BIRC6: variants seen among roughly 807,000 people sequenced by gnomAD.
BIRC6 encodes the protein dual E2 ubiquitin-conjugating enzyme/E3 ubiquitin-protein ligase BIRC6.
A neutral mutation model predicts 503.3 loss-of-function variants in BIRC6; 98 were observed. The ratio of observed to expected loss-of-function variants is 0.19; its 90% confidence interval spans 0.17 to 0.23. The LOEUF is 0.23. BIRC6 is among the 10% of genes least tolerant of loss of function. The probability of loss-of-function intolerance (pLI) is 1.00; values close to 1 mark genes in which losing one functional copy is unlikely to be tolerated. For missense variants in BIRC6, 5,360 were observed against 5,806.0 expected (o/e 0.92, Z 2.50); for synonymous variants, 2,240 against 2,078.7 (o/e 1.08, Z -2.11).
rs375404908 is a variant in BIRC6, at chr2:32,415,994, A to G, written c.2703A>G (p.Gly901=). 29 of 1,613,824 alleles carry G rather than the reference A, an allele frequency of 1.8e-5. No individual in the cohort carries two copies. The highest frequency in any genetic ancestry group is 2.5e-5 in the Non-Finnish European group (29 of 1,179,862). Residue 901 remains glycine (G), a synonymous_variant, in exon 10 of 74, where the codon GGA becomes GGG. Transcript: ENST00000421745. ...AAACGTCTGACATTTCTACTCTTGG[A>G]CACCTGGTAATAACCACTCAGGGAG... ...REKTSDISTL[G]HLVITTQGGY...
At chr2:32,487,603 C>G in intron 40 of BIRC6, 44 bp from the exon 41 acceptor site, 1 of 1,561,108 alleles carries the variant, frequency 6.4e-7, no homozygotes, top group Non-Finnish European at 8.8e-7. Flanking sequence ...TAACACATAT[C>G]CTGATACTTT....
intron 40 of BIRC6, among the ~76,000 whole-genome samples, chr2:32,486,976 T>A (rs2051065933): frequency 6.6e-6 from 1 of 152,084 alleles, no homozygotes; most frequent in South Asian, 2.1e-4. Flanking sequence ...AAAGCACTTA[T>A]TAGAATATCT....
In BIRC6 at chr2:32,448,772, T is replaced by G. The variant is rs1185028533; in HGVS notation, c.4485-23T>G. 4.4e-6 allele frequency: 7 copies of G among 1,584,234 alleles called. No homozygotes were observed. The Admixed American group carries it at 1.3e-4, about 30-fold the overall frequency. ...ATTAGATGGCTGAAAGGAAAATTGTTAGTGCATTATTTTATTTTTCAGATA... is the reference window on the plus strand; with the variant it reads ...ATTAGATGGCTGAAAGGAAAATTGTGAGTGCATTATTTTATTTTTCAGATA... On this transcript the variant is annotated intron_variant, in intron 21 of 73. Coordinates refer to ENST00000421745, the MANE Select transcript of BIRC6 (RefSeq NM_016252.4).
intron 13 of BIRC6, 138 bp downstream of exon 13, chr2:32,433,942 T>G (rs1487496985): frequency 2.8e-5 from 19 of 679,444 alleles, no homozygotes; most frequent in Non-Finnish European, 4.1e-5. Flanking sequence ...TGTGATTTTA[T>G]TTAAAAAAGT....
Position 32,415,706 on chromosome 2 carries a change from A to G in BIRC6, c.2415A>G (p.Ala805=), listed in dbSNP as rs752179496. ...NISVIQHESP[A]DVQTPLIIQP... is the part of the protein sequence containing the mutation. Reference sequence around the variant, plus strand: ...GTGTAATCCAACATGAATCACCAGCAGATGTACAGACTCCTTTAATAATTC... The same window carrying G: ...GTGTAATCCAACATGAATCACCAGCGGATGTACAGACTCCTTTAATAATTC... The change falls in exon 10 of 74, where the codon GCA becomes GCG. Residue 805 remains alanine (A), a synonymous_variant. Transcript: ENST00000421745. 2.5e-6 allele frequency: 4 copies of G among 1,613,930 alleles called. No homozygotes were observed. The East Asian group carries it at 6.7e-5, about 27-fold the overall frequency.
intron 66 of BIRC6, among the ~76,000 whole-genome samples, chr2:32,578,533 C>T (rs1442212960): frequency 2.6e-5 from 4 of 152,174 alleles, no homozygotes; most frequent in East Asian, 1.9e-4. Flanking sequence ...CAGTGGCTCA[C>T]GGCTGTAATC....
In BIRC6 at chr2:32,371,110, G is replaced by A. The variant is rs867602103; in HGVS notation, c.326-6478G>A. On this transcript the variant is annotated intron_variant, in intron 1 of 73. Transcript: ENST00000421745. ...CACCTGTAGTCTCAGCTACTTGGGA[G>A]GCTGAGGCGGGAGGATTGCTTGAGC... is the stretch of plus-strand genomic sequence containing the variant. Among the ~76,000 whole-genome samples, 98 of 151,064 alleles carry A rather than the reference G, an allele frequency of 6.5e-4. 1 individual carries two copies. Among genetic ancestry groups the A allele is most frequent in the African/African-American group, 2.3e-3 (96 of 41,100 alleles).
chr2:32,585,563 A>G (rs1336156314), intron 66 of BIRC6, among the ~76,000 whole-genome samples: 3 of 152,098 alleles, frequency 2.0e-5, no homozygotes, highest in East Asian at 1.9e-4. Context: ...TATATTTTGT[A>G]GAGACAGGAT....
chr2:32,362,280 CTTAT>C (rs994929119), intron 1 of BIRC6, among the ~76,000 whole-genome samples: 6 of 149,832 alleles, frequency 4.0e-5, no homozygotes, highest in Admixed American at 2.0e-4. Flanking sequence ...TTTTCATATG[CTTAT>C]TTGTCTCTTT....
intron 51 of BIRC6, among the ~76,000 whole-genome samples, chr2:32,508,470 A>G (rs1385536850): frequency 2.6e-5 from 4 of 151,770 alleles, no homozygotes; most frequent in African/African-American, 9.7e-5. Flanking sequence ...TAAGGTGTAT[A>G]TATGTTTAGT....
chr2:32,380,598 G>T (rs919860387), intron 3 of BIRC6, among the ~76,000 whole-genome samples: 1 of 151,922 alleles, frequency 6.6e-6, no homozygotes, highest in African/African-American at 2.4e-5. Flanking sequence ...GTGGTGGCAG[G>T]CGCCTGTAAT....
At chr2:32,461,380 G>T (rs1413346486) in intron 23 of BIRC6, among the ~76,000 whole-genome samples, 17 of 149,960 alleles carry the variant, frequency 1.1e-4, no homozygotes, top group Non-Finnish European at 2.4e-4. Context: ...GTGTGTGTGT[G>T]TGTTTAGTAG....
chr2:32,499,941 T>C lies in BIRC6; in HGVS notation c.8863T>C (p.Ser2955Pro). 6.2e-7 allele frequency: 1 copy of C among 1,613,974 alleles called. No individual in the cohort carries two copies. The highest frequency in any genetic ancestry group is 1.1e-5 in the South Asian group (1 of 91,082). ...GACCACAAATACAACAGATAGTGTT[T>C]CAGATGAAGAAAAAGTCTCAGGAGG... is the stretch of plus-strand genomic sequence containing the variant. ...SVTTNTTDSV[S>P]DEEKVSGGKD... Residue 2955 changes from serine to proline, a missense_variant, in exon 46 of 74, where the codon TCA (serine) becomes CCA (proline). By Grantham distance (74) the Ser-to-Pro change is moderately conservative. Around this residue, in one of 16 missense-constraint regions of BIRC6, gnomAD observed 2,299 missense variants for 2,267.2 expected, o/e 1.01. Transcript: ENST00000421745.
intron 65 of BIRC6, among the ~76,000 whole-genome samples, chr2:32,550,713 T>TG (rs1458604627): frequency 8.5e-5 from 13 of 152,056 alleles, no homozygotes; most frequent in African/African-American, 3.1e-4. Flanking sequence ...TTGACTCTCT[T>TG]ATAACACTGA....
chr2:32,375,686 A>C (rs2036646405), intron 1 of BIRC6, among the ~76,000 whole-genome samples: 1 of 151,824 alleles, frequency 6.6e-6, no homozygotes, highest in Admixed American at 6.6e-5. Flanking sequence ...CAGATGACAT[A>C]CATTTACCGT....
chr2:32,598,078 T>C, intron 69 of BIRC6, 110 bp downstream of exon 69: 1 of 1,089,360 alleles, frequency 9.2e-7, no homozygotes, highest in Non-Finnish European at 1.3e-6. Context: ...TACAAAACAC[T>C]AGAAATTTTG....
intron 28 of BIRC6, 133 bp downstream of exon 28, chr2:32,468,244 C>G: frequency 9.7e-7 from 1 of 1,034,244 alleles, no homozygotes. Flanking sequence ...GAGATTAGCA[C>G]GTTACAATAA....
rs1485696498 is a variant in BIRC6, at chr2:32,464,578, C to T, written c.5011C>T (p.Pro1671Ser). 3 of 1,611,254 alleles carry T rather than the reference C, an allele frequency of 1.9e-6. No homozygotes were observed. The highest frequency in any genetic ancestry group is 2.5e-6 in the Non-Finnish European group (3 of 1,178,362). Residue 1671 changes from proline (P) to serine (S), a missense_variant, in exon 25 of 74, where the codon CCT becomes TCT. Around this residue, in one of 16 missense-constraint regions of BIRC6, gnomAD observed 2,299 missense variants for 2,267.2 expected, o/e 1.01. Coordinates refer to ENST00000421745, the MANE Select transcript of BIRC6 (RefSeq NM_016252.4). ...AGCTGCAGCAGCATCAGCAGTAGGT[C>T]CTGTTCACAACTCTGTGCCTTCCAA... ...AAAAAASAVG[P>S]VHNSVPSNPV...
At chr2:32,524,858 C>A in intron 57 of BIRC6, 30 bp from the exon 58 acceptor site, 2 of 1,306,988 alleles carry the variant, frequency 1.5e-6, no homozygotes, top group Non-Finnish European at 1.0e-6. Context: ...TTTGGAAAAG[C>A]AGTGTATTTT....
Sources: allele counts gnomAD v4.1 joint callset (sites outside exome capture counted in the v4.1 genomes callset), GRCh38; gene constraint gnomAD v4.1.1; regional missense constraint gnomAD v4.1.1; transcripts MANE v1.5; gene names NCBI Gene and HGNC (gene_info 2026-07-23, HGNC 2026-07-21).